Variants in EPHA3 observed in about 807,000 individuals in gnomAD.
EPHA3 encodes the protein ephrin type-A receptor 3.
Under a neutral mutation model 107.1 loss-of-function variants are expected in EPHA3, and 42 were observed. That is an observed-to-expected ratio of 0.39 (90% CI 0.31 to 0.51). EPHA3 has a LOEUF of 0.51. Among genes scored for constraint, EPHA3 ranks in the 20% least tolerant of loss-of-function variants. The probability of loss-of-function intolerance (pLI) is 0.78; values close to 1 mark genes in which losing one functional copy is unlikely to be tolerated. For missense variants in EPHA3, 1,183 were observed against 1,211.2 expected, an observed-to-expected ratio of 0.98 and a Z score of 0.35; for synonymous variants, 461 against 424.8, an observed-to-expected ratio of 1.09 and a Z score of -1.05.
At chr3:89,460,656 TCAAGA>T (rs1710210105) in intron 15 of EPHA3, among the ~76,000 whole-genome samples, 1 of 147,988 alleles carries the variant, frequency 6.8e-6, no homozygotes, top group African/African-American at 2.5e-5. Flanking sequence ...ACCATATCCT[TCAAGA>T]CAAATCGAAC....
intron 3 of EPHA3, among the ~76,000 whole-genome samples, chr3:89,290,226 T>C (rs887593942): frequency 6.6e-6 from 1 of 152,158 alleles, no homozygotes; most frequent in Non-Finnish European, 1.5e-5. Flanking sequence ...AATTATATGT[T>C]CCTTTACAAA....
intron 3 of EPHA3, among the ~76,000 whole-genome samples, chr3:89,271,663 T>C (rs532875962): frequency 1.3e-5 from 2 of 150,466 alleles, no homozygotes; most frequent in South Asian, 2.1e-4. Context: ...TATGTTGAAA[T>C]AGAAGAATAG....
At position 89,403,089 on chromosome 3, in the gene EPHA3, T is replaced by C. The variant is rs1431183306; in HGVS notation, c.1594+3609T>C. ...AATTTAGATAACATTTTCTGAACTT[T>C]ATAGGGAAGAGATGGAGGCAGAGCA... On this transcript the variant is annotated intron_variant, in intron 7 of 16. Coordinates refer to ENST00000336596, the MANE Select transcript of EPHA3 (RefSeq NM_005233.6). Among the ~76,000 whole-genome samples, 8 of 152,334 alleles carry C rather than the reference T, an allele frequency of 5.3e-5. No homozygotes were observed. The East Asian group carries it at 1.5e-3, about 29-fold the overall frequency.
chr3:89,415,467 AATAT>A lies in EPHA3; in HGVS notation c.1888+2223_1888+2226del, dbSNP rs71621548. ...CAGAGTCAATTAAATTTACAGAAAG[AATAT>A]ATATATATATATATATATATAAGCT... On this transcript the variant is annotated intron_variant, in intron 10 of 16. Coordinates refer to ENST00000336596, the MANE Select transcript of EPHA3 (RefSeq NM_005233.6). 2.1e-3 allele frequency among the ~76,000 whole-genome samples: 272 copies of A among 131,598 alleles called. 3 individuals carry two copies. The highest frequency in any genetic ancestry group is 9.4e-3 in the East Asian group (44 of 4,686). 86.3% of individuals were successfully genotyped at this position (131,598 alleles called of 152,430 possible).
chr3:89,186,990 T>C (rs1705582601), intron 2 of EPHA3, among the ~76,000 whole-genome samples: 1 of 152,030 alleles, frequency 6.6e-6, no homozygotes, highest in Non-Finnish European at 1.5e-5. Context: ...TTTCGTCTTC[T>C]AATAAAATAA....
chr3:89,448,490 G>C (rs1433145219), intron 13 of EPHA3, among the ~76,000 whole-genome samples: 2 of 151,978 alleles, frequency 1.3e-5, no homozygotes, highest in Admixed American at 1.3e-4. Context: ...TGTATTTATT[G>C]AACTAAGAGC....
At chr3:89,305,962 C>T (rs1706610953) in intron 3 of EPHA3, among the ~76,000 whole-genome samples, 1 of 152,136 alleles carries the variant, frequency 6.6e-6, no homozygotes, top group African/African-American at 2.4e-5. Context: ...AAAAGGACTA[C>T]ATATTATGTG....
chr3:89,234,033 A>C (rs573308007), intron 3 of EPHA3, among the ~76,000 whole-genome samples: 1 of 152,330 alleles, frequency 6.6e-6, no homozygotes, highest in Admixed American at 6.5e-5. Context: ...TCTGAGTGGT[A>C]AGTCTTCATA....
intron 3 of EPHA3, among the ~76,000 whole-genome samples, chr3:89,239,430 A>G (rs1704843411): frequency 6.6e-6 from 1 of 152,188 alleles, no homozygotes; most frequent in Non-Finnish European, 1.5e-5. Flanking sequence ...AATAATAATG[A>G]CAATAATAAT....
At chr3:89,188,781 T>C (rs1292149681) in intron 2 of EPHA3, among the ~76,000 whole-genome samples, 6 of 152,206 alleles carry the variant, frequency 3.9e-5, no homozygotes, top group Non-Finnish European at 8.8e-5. Context: ...TTCACACCTC[T>C]TCCCATGACA....
chr3:89,431,046 A>T, intron 12 of EPHA3, 104 bp from the exon 13 acceptor site: 1 of 1,179,170 alleles, frequency 8.5e-7, no homozygotes, highest in Non-Finnish European at 1.2e-6. Context: ...AAGTGTGTAT[A>T]GTCAGTCTTG....
At chr3:89,222,326 CATATATAT>C (rs34438291) in intron 3 of EPHA3, among the ~76,000 whole-genome samples, 18,592 of 138,512 alleles carry the variant, frequency 0.13, 1,183 homozygotes, top group Admixed American at 0.16. Flanking sequence ...AATACATATA[CATATATAT>C]ATATATATAT....
chr3:89,186,123 T>G (rs1014138194), intron 2 of EPHA3, among the ~76,000 whole-genome samples: 1 of 151,952 alleles, frequency 6.6e-6, no homozygotes, highest in Non-Finnish European at 1.5e-5. Flanking sequence ...TTTCTAGAGA[T>G]GAAACCTAAA....
intron 3 of EPHA3, among the ~76,000 whole-genome samples, chr3:89,259,117 G>A (rs948571969): frequency 3.9e-5 from 6 of 152,160 alleles, no homozygotes; most frequent in Non-Finnish European, 5.9e-5. Flanking sequence ...TACAAATTCT[G>A]TAGTCTAAAT....
At chr3:89,437,425 GA>G (rs532123352) in intron 13 of EPHA3, among the ~76,000 whole-genome samples, 310 of 145,270 alleles carry the variant, frequency 2.1e-3, no homozygotes, top group African/African-American at 7.4e-3. Context: ...TTTTGTGTCT[GA>G]AAAAAAAAAC....
At chr3:89,192,780 G>T (rs574372063) in intron 2 of EPHA3, among the ~76,000 whole-genome samples, 3 of 152,004 alleles carry the variant, frequency 2.0e-5, no homozygotes. Flanking sequence ...AGAAGCTGAA[G>T]AATTCTCTGG....
intron 2 of EPHA3, among the ~76,000 whole-genome samples, chr3:89,195,297 T>TA (rs1364988099): frequency 6.6e-6 from 1 of 152,042 alleles, no homozygotes; most frequent in Non-Finnish European, 1.5e-5. Flanking sequence ...GACAGGTTCA[T>TA]AAAAAACAGG....
chr3:89,340,120 G>C (rs1707484189), intron 3 of EPHA3, among the ~76,000 whole-genome samples: 1 of 152,160 alleles, frequency 6.6e-6, no homozygotes, highest in Non-Finnish European at 1.5e-5. Flanking sequence ...CATAGATGCT[G>C]AACCCTAAAT....
chr3:89,449,098 A>G, intron 13 of EPHA3, 127 bp from the exon 14 acceptor site: 2 of 856,322 alleles, frequency 2.3e-6, no homozygotes, highest in East Asian at 6.3e-5. Context: ...AAAATGTTTC[A>G]CAGAAATGCA....
Sources: gnomAD v4.1 joint callset for allele counts (sites outside exome capture counted in the v4.1 genomes callset) on GRCh38, gnomAD v4.1.1 for gene constraint, MANE v1.5 for transcripts, NCBI Gene and HGNC (gene_info 2026-07-23, HGNC 2026-07-21) for gene names.